The following CA5A variants were observed in gnomAD, a reference collection of about 807,000 sequenced individuals.
The protein encoded by CA5A is carbonic anhydrase 5A, mitochondrial.
Under a neutral mutation model 37.1 loss-of-function variants are expected in CA5A, and 28 were observed. That is an observed-to-expected ratio of 0.75 (90% CI 0.56 to 1.03). The LOEUF (loss-of-function observed/expected upper bound fraction) is 1.03. Ranked by LOEUF, CA5A falls within the 50% of genes least tolerant of loss-of-function variation. The pLI, the probability that CA5A is intolerant of heterozygous loss-of-function variation, is 0.00. For missense variants in CA5A, 444 were observed against 399.9 expected, an observed-to-expected ratio of 1.11 and a Z score of -0.94; for synonymous variants, 171 against 158.4, an observed-to-expected ratio of 1.08 and a Z score of -0.60.
intron 2 of CA5A, among the ~76,000 whole-genome samples, chr16:87,921,686 A>C (rs1463890639): frequency 1.3e-5 from 2 of 152,108 alleles, no homozygotes; most frequent in African/African-American, 4.8e-5. Context: ...TGGACCCAGG[A>C]GGCAGGAGGA....
downstream of CA5A, chr16:87,884,250 T>C (rs1163604705): frequency 9.9e-6 from 1 of 100,622 alleles, no homozygotes; most frequent in Admixed American, 1.4e-4. Context: ...ACCGAATCTC[T>C]ACTAAAAATG....
At chr16:87,907,254 C>A (rs1473531090) in intron 2 of CA5A, among the ~76,000 whole-genome samples, 2 of 152,166 alleles carry the variant, frequency 1.3e-5, no homozygotes, top group Non-Finnish European at 2.9e-5. Context: ...CGTGCCTGGC[C>A]TCCAAAACAC....
downstream of CA5A, chr16:87,887,931 C>T (rs998029414): frequency 3.0e-5 from 21 of 704,114 alleles, no homozygotes; most frequent in African/African-American, 1.6e-4. Context: ...ATGGCACACC[C>T]CTCCATCCCA....
At chr16:87,928,629 C>T (rs762249399) in intron 1 of CA5A, among the ~76,000 whole-genome samples, 14 of 151,844 alleles carry the variant, frequency 9.2e-5, no homozygotes, top group South Asian at 4.1e-4. Context: ...TGTACAGTTA[C>T]GACACAATTT....
rs188363794 is a variant in CA5A, at chr16:87,921,825, G to C, written c.340+4923C>G. Among the ~76,000 whole-genome samples, 82 of 152,282 alleles carry C rather than the reference G, an allele frequency of 5.4e-4. 1 individual carries two copies. The highest frequency in any genetic ancestry group is 1.8e-3 in the African/African-American group (75 of 41,556). ...TGCACCTGCCAAGTCAGAATGTCTA[G>C]AGGAAGCACAGGTTGTGTTCCTTTG... On this transcript the variant is annotated intron_variant, in intron 2 of 6. Coordinates refer to ENST00000649794, the MANE Select transcript of CA5A (RefSeq NM_001739.2).
Position 87,930,461 on chromosome 16 carries a change from C to A in CA5A, c.143-3516G>T, listed in dbSNP as rs114318993. On this transcript the variant is annotated intron_variant, in intron 1 of 6. Transcript: ENST00000649794. ...GTAGACCAGTGGCAAGGACCTCCCC[C>A]CTCCGGACCCTTCCCCAGTGGAACC... is the stretch of plus-strand genomic sequence containing the variant. 6.3e-3 allele frequency among the ~76,000 whole-genome samples: 960 copies of A among 152,298 alleles called. 11 individuals are homozygous for A. The highest frequency in any genetic ancestry group is 0.021 in the African/African-American group (890 of 41,566).
At chr16:87,913,303 G>GTTTTTTTTT in intron 2 of CA5A, among the ~76,000 whole-genome samples, 1 of 108,624 alleles carries the variant, frequency 9.2e-6, no homozygotes, top group African/African-American at 5.3e-5. Context: ...GAATGTTCCA[G>GTTTTTTTTT]TCTTTTTTTT....
chr16:87,902,290 G>A, intron 4 of CA5A, 135 bp downstream of exon 4: 2 of 641,462 alleles, frequency 3.1e-6, no homozygotes, highest in South Asian at 1.9e-5. Context: ...GGAGGTGCAG[G>A]TTGCAATGAG....
intron 4 of CA5A, 112 bp from the exon 5 acceptor site, chr16:87,902,086 G>T (rs1175194073): frequency 1.0e-6 from 1 of 954,722 alleles, no homozygotes; most frequent in South Asian, 1.4e-5. Flanking sequence ...AGGTGCGGTG[G>T]CTCATGCCTG....
At chr16:87,915,689 CAAAAAAAAAA>C (rs10593708) in intron 2 of CA5A, among the ~76,000 whole-genome samples, 46 of 83,626 alleles carry the variant, frequency 5.5e-4, no homozygotes, top group Middle Eastern at 6.2e-3. Context: ...ATCCTGTCTC[CAAAAAAAAAA>C]AAAAAAAAAA....
rs2055722888 is a variant in CA5A at position 87,891,956 on chromosome 16, T to G, written c.619-2A>C. ...GGGGCGCATGGCCGCCCGCGCGTCC[T>G]GAGAGACCGAGAAGCACAGGACGTG... is the stretch of plus-strand genomic sequence containing the variant. On this transcript the variant is annotated splice_acceptor_variant, in intron 5 of 6. Coordinates refer to ENST00000649794, the MANE Select transcript of CA5A (RefSeq NM_001739.2). LOFTEE classifies it high-confidence loss of function. The G allele has an allele frequency of 6.5e-7, 1 of 1,530,790 alleles. No individual in the cohort carries two copies. 94.8% of individuals were successfully genotyped at this position (1,530,790 alleles called of 1,614,324 possible).
chr16:87,895,766 A>G (rs1000204245), intron 5 of CA5A, among the ~76,000 whole-genome samples: 3 of 150,970 alleles, frequency 2.0e-5, no homozygotes, highest in Non-Finnish European at 4.4e-5. Context: ...TAACATGTGG[A>G]ACATTTGTGT....
chr16:87,922,824 C>T (rs879778485), intron 2 of CA5A, among the ~76,000 whole-genome samples: 4 of 152,376 alleles, frequency 2.6e-5, no homozygotes, highest in Non-Finnish European at 4.4e-5. Flanking sequence ...TTTCTCTAAA[C>T]GGTGCCTGCT....
At chr16:87,908,989 A>ATTT (rs60201296) in intron 2 of CA5A, among the ~76,000 whole-genome samples, 3,941 of 139,296 alleles carry the variant, frequency 0.028, 78 homozygotes, top group Middle Eastern at 0.12. Context: ...ACACCCGGCT[A>ATTT]TTTTTTTTTT....
At position 87,911,099 on chromosome 16, in the gene CA5A, CAAA is replaced by C. The variant is rs11314702; in HGVS notation, c.341-6198_341-6196del. On this transcript the variant is annotated intron_variant, in intron 2 of 6. Coordinates refer to ENST00000649794, the MANE Select transcript of CA5A (RefSeq NM_001739.2). This position sits in a 1 kb window ranked among gnomAD's most constrained non-coding sequence, Gnocchi z 4.6. ...ACAATGTCAGGGTATTCTCCTTAATCAAAAAAAAAAAAAAAAAAAAAGGCAAGC... is the reference window on the plus strand; with the variant it reads ...ACAATGTCAGGGTATTCTCCTTAATCAAAAAAAAAAAAAAAAAAGGCAAGC... Among the ~76,000 whole-genome samples, 81 of 96,502 alleles carry C rather than the reference CAAA, an allele frequency of 8.4e-4. No homozygotes were observed. Among genetic ancestry groups the C allele is most frequent in the African/African-American group, 2.1e-3 (63 of 29,756 alleles). 63.3% of individuals were successfully genotyped at this position (96,502 alleles called of 152,430 possible).
rs750814782 is a variant in CA5A, at chr16:87,901,898, A to G, written c.618+14T>C. On this transcript the variant is annotated intron_variant, in intron 5 of 6. Transcript: ENST00000649794. Reference sequence around the variant, plus strand: ...CTCCGCGCCCGGCCTGCTGATTTCAAATATGCAGCTTACCTTATGTTTTAT... The same window carrying G: ...CTCCGCGCCCGGCCTGCTGATTTCAGATATGCAGCTTACCTTATGTTTTAT... 3 of 1,610,834 alleles carry G rather than the reference A, an allele frequency of 1.9e-6. No individual in the cohort carries two copies. Among genetic ancestry groups the G allele is most frequent in the African/African-American group, 1.3e-5 (1 of 74,804 alleles).
rs557005331 is a variant in CA5A at position 87,906,471 on chromosome 16, A to T, written c.341-1567T>A. ...GGTGTAACCCATCTCTACTGAAAAT[A>T]CAAAAATTAGCTGGGTGTGGTGGCG... On this transcript the variant is annotated intron_variant, in intron 2 of 6. Coordinates refer to ENST00000649794, the MANE Select transcript of CA5A (RefSeq NM_001739.2). 2.0e-5 allele frequency among the ~76,000 whole-genome samples: 3 copies of T among 152,108 alleles called. No individual in the cohort carries two copies. In the South Asian group the frequency reaches 6.2e-4, roughly 32 times the overall value.
chr16:87,911,673 C>T lies in CA5A; in HGVS notation c.341-6769G>A, dbSNP rs1474351342. The stretch of plus-strand genomic sequence containing the variant: ...GGCAGGGGCCGCAGCCACTGCAAGC[C>T]CCTGCCCACAGAACTCCGCGACGAT... On this transcript the variant is annotated intron_variant, in intron 2 of 6. Coordinates refer to ENST00000649794, the MANE Select transcript of CA5A (RefSeq NM_001739.2). This position sits in a 1 kb window ranked among gnomAD's most constrained non-coding sequence, Gnocchi z 4.6. Among the ~76,000 whole-genome samples, 1 of 152,152 alleles carries T rather than the reference C, an allele frequency of 6.6e-6. No homozygotes were observed. The highest frequency in any genetic ancestry group is 2.4e-5 in the African/African-American group (1 of 41,436).
At chr16:87,892,150 C>T (rs1014029692) in intron 5 of CA5A, 196 bp from the exon 6 acceptor site, 1 of 474,022 alleles carries the variant, frequency 2.1e-6, no homozygotes, top group East Asian at 3.6e-5. Context: ...AGGATTCCTG[C>T]CAACTTACAT....
Sources: allele counts gnomAD v4.1 joint callset (sites outside exome capture counted in the v4.1 genomes callset), GRCh38; gene constraint gnomAD v4.1.1; non-coding constraint Gnocchi (gnomAD v3.1); transcripts MANE v1.5; gene names NCBI Gene and HGNC (gene_info 2026-07-23, HGNC 2026-07-21).